The following IL1RAP variants were observed in gnomAD, a reference collection of about 807,000 sequenced individuals.
IL1RAP encodes the protein interleukin-1 receptor accessory protein.
A neutral mutation model predicts 60.7 loss-of-function variants in IL1RAP; 35 were observed. The ratio of observed to expected loss-of-function variants is 0.58; its 90% confidence interval spans 0.44 to 0.76. The LOEUF (loss-of-function observed/expected upper bound fraction) is 0.76. Ranked by LOEUF, IL1RAP falls within the 30% of genes least tolerant of loss-of-function variation. The pLI is 0.00. For synonymous variants in IL1RAP, 268 were observed against 250.9 expected (o/e 1.07, Z -0.64); for missense variants, 572 against 693.9 (o/e 0.82, Z 1.97).
chr3:190,657,849 T>A (rs879295365), exon 12 of IL1RAP: 3 of 152,088 alleles, frequency 2.0e-5, no homozygotes, highest in Non-Finnish European at 2.9e-5. Context: ...CTGAGGTCAG[T>A]TGTTCAAGAG....
intron 1 of IL1RAP, among the ~76,000 whole-genome samples, chr3:190,519,493 C>G (rs1345875684): frequency 6.6e-6 from 1 of 152,116 alleles, no homozygotes; most frequent in Admixed American, 6.6e-5. Flanking sequence ...AGATTGGAAC[C>G]TGCGTGTGCC....
chr3:190,514,660 G>C (rs763039915), intron 1 of IL1RAP, among the ~76,000 whole-genome samples: 2 of 152,174 alleles, frequency 1.3e-5, no homozygotes, highest in Non-Finnish European at 2.9e-5. Flanking sequence ...TCAGCGCAGA[G>C]CTGTGACAGC....
intron 2 of IL1RAP, among the ~76,000 whole-genome samples, chr3:190,560,353 T>A (rs1725779643): frequency 6.6e-6 from 1 of 152,188 alleles, no homozygotes; most frequent in Non-Finnish European, 1.5e-5. Flanking sequence ...GTGCGAATGG[T>A]CGTAGTTTTC....
chr3:190,535,299 G>A (rs563775295), intron 1 of IL1RAP, among the ~76,000 whole-genome samples: 11 of 152,256 alleles, frequency 7.2e-5, no homozygotes, highest in African/African-American at 2.6e-4. Context: ...AGTGATGAAC[G>A]CTTACAGAAA....
At chr3:190,610,089 G>T (rs1035125077) in intron 5 of IL1RAP, among the ~76,000 whole-genome samples, 1 of 152,130 alleles carries the variant, frequency 6.6e-6, no homozygotes, top group Non-Finnish European at 1.5e-5. Context: ...GACCAGCCAC[G>T]TTGAGGAGAA....
intron 1 of IL1RAP, chr3:190,518,518 G>A (rs1166539187): frequency 6.6e-6 from 1 of 152,110 alleles, no homozygotes; most frequent in Non-Finnish European, 1.5e-5. Context: ...GGAAACCGAG[G>A]CTCATAGAGT....
rs140985740 is a variant in IL1RAP, at chr3:190,620,370, A to G, written c.633A>G (p.Thr211=). The G allele has an allele frequency of 1.2e-5, 20 of 1,612,344 alleles. No homozygotes were observed. The African/African-American group carries it at 2.5e-4, about 20-fold the overall frequency. The part of the protein sequence containing the change: ...IALISNNGNY[T]CVVTYPENGR... Reference sequence around the variant, plus strand: ...TAATTTCAAATAATGGAAATTACACATGTGTTGTTACATATCCAGAAAATG... The same window carrying G: ...TAATTTCAAATAATGGAAATTACACGTGTGTTGTTACATATCCAGAAAATG... Residue 211 remains threonine, a synonymous_variant, in exon 6 of 12, where the codon ACA becomes ACG. Transcript: ENST00000447382.
intron 1 of IL1RAP, among the ~76,000 whole-genome samples, chr3:190,519,866 A>C (rs1721858869): frequency 6.6e-6 from 1 of 152,090 alleles, no homozygotes; most frequent in African/African-American, 2.4e-5. Flanking sequence ...GAGACTTACA[A>C]ATGTCTCTAT....
intron 1 of IL1RAP, among the ~76,000 whole-genome samples, chr3:190,514,561 C>T (rs115722868): frequency 0.013 from 1,955 of 151,456 alleles, 47 homozygotes; most frequent in African/African-American, 0.045. Flanking sequence ...CCCCCATCTC[C>T]TCCTTGGTTT....
intron 2 of IL1RAP, among the ~76,000 whole-genome samples, chr3:190,560,320 C>A (rs6799225): frequency 2.0e-5 from 3 of 152,110 alleles, no homozygotes; most frequent in African/African-American, 7.2e-5. Context: ...TATTCCTTGG[C>A]GTGAATGGCC....
chr3:190,535,794 T>C (rs1723411862), intron 1 of IL1RAP, among the ~76,000 whole-genome samples: 1 of 152,216 alleles, frequency 6.6e-6, no homozygotes, highest in African/African-American at 2.4e-5. Flanking sequence ...GGATCAATCA[T>C]GCTACCTTTG....
chr3:190,581,215 C>A (rs954755216), intron 3 of IL1RAP, among the ~76,000 whole-genome samples: 5 of 152,174 alleles, frequency 3.3e-5, no homozygotes, highest in African/African-American at 1.2e-4. Context: ...AAAACCTGGA[C>A]TCAAGTCAAA....
chr3:190,597,342 A>T (rs913652222), intron 3 of IL1RAP, among the ~76,000 whole-genome samples: 2 of 152,190 alleles, frequency 1.3e-5, no homozygotes, highest in African/African-American at 4.8e-5. Flanking sequence ...GTTAATCAAG[A>T]TAGGCAGTAC....
chr3:190,587,154 G>A lies in IL1RAP; in HGVS notation c.65-16974G>A, dbSNP rs191853541. 2.6e-3 allele frequency among the ~76,000 whole-genome samples: 394 copies of A among 152,244 alleles called. 2 individuals carry two copies. The highest frequency in any genetic ancestry group is 4.6e-3 in the Admixed American group (71 of 15,300). On this transcript the variant is annotated intron_variant, in intron 3 of 11. Transcript: ENST00000447382. ...ATCATCTGGTTTTACCTTCTTATAC[G>A]TGATAAAACTGAATCCCAAAGCAGG...
chr3:190,600,696 C>A (rs949748391), intron 3 of IL1RAP, among the ~76,000 whole-genome samples: 1 of 152,196 alleles, frequency 6.6e-6, no homozygotes, highest in Non-Finnish European at 1.5e-5. Context: ...CACATGGCCG[C>A]TCCTTACTTC....
intron 3 of IL1RAP, among the ~76,000 whole-genome samples, chr3:190,590,281 A>T (rs1728832709): frequency 6.7e-6 from 1 of 148,302 alleles, no homozygotes. Flanking sequence ...GGTGAGACGG[A>T]GTCTTGCTCT....
Position 190,649,474 on chromosome 3 carries a change from A to C in IL1RAP, c.*769A>C. 1.0e-6 allele frequency: 1 copy of C among 985,772 alleles called. No homozygotes were observed. Among genetic ancestry groups the C allele is most frequent in the Non-Finnish European group, 1.2e-6 (1 of 829,870 alleles). The allele number at this position is 985,772 out of a possible 1,614,324, so 61.1% of individuals were successfully genotyped here. A position where few individuals can be genotyped will look rare whatever the true frequency, so the allele number is the denominator to read the frequency against. Reference sequence around the variant, plus strand: ...ATCGCATTGCTCATTTAGAGTTTGCAGGAGGCTCCATACTAGGTTCAGTCT... The same window carrying C: ...ATCGCATTGCTCATTTAGAGTTTGCCGGAGGCTCCATACTAGGTTCAGTCT... On this transcript the variant is annotated 3_prime_UTR_variant, in exon 12 of 12. Coordinates refer to ENST00000447382, the MANE Select transcript of IL1RAP (RefSeq NM_002182.4).
In IL1RAP at chr3:190,582,170, G is replaced by A. The variant is rs552211029; in HGVS notation, c.64+17817G>A. 3.9e-5 allele frequency among the ~76,000 whole-genome samples: 6 copies of A among 152,232 alleles called. No homozygotes were observed. In the East Asian group the frequency reaches 1.2e-3, roughly 29 times the overall value. On this transcript the variant is annotated intron_variant, in intron 3 of 11. Transcript: ENST00000447382. ...GCATTCTGTAGTTTGAGATTTAAGA[G>A]CCTCTGAAACAAGTTTCCTTTCTAT...
At position 190,527,826 on chromosome 3, in the gene IL1RAP, TACACACACACACACACACACAC is replaced by T. The variant is rs10602405; in HGVS notation, c.-89+13630_-89+13651del. 4.3e-5 allele frequency among the ~76,000 whole-genome samples: 6 copies of T among 139,622 alleles called. No homozygotes were observed. The East Asian group carries it at 6.3e-4, about 15-fold the overall frequency. 91.6% of individuals were successfully genotyped at this position (139,622 alleles called of 152,430 possible). ...TGATAAATTATTTTAAGGAAAGGTC[TACACACACACACACACACACAC>T]ACACACACACACACACACACACGAG... On this transcript the variant is annotated intron_variant, in intron 1 of 11. Transcript: ENST00000447382.
Sources: allele counts gnomAD v4.1 joint callset (sites outside exome capture counted in the v4.1 genomes callset), GRCh38; gene constraint gnomAD v4.1.1; transcripts MANE v1.5; gene names NCBI Gene and HGNC (gene_info 2026-07-23, HGNC 2026-07-21).